The following GFRA1 variants were observed in gnomAD, a reference collection of about 807,000 sequenced individuals.
The protein encoded by GFRA1 is GDNF family receptor alpha 1.
In GFRA1, 16 loss-of-function variants were observed where a neutral mutation model predicts 51.6. The ratio of observed to expected loss-of-function variants is 0.31; its 90% CI spans 0.21 to 0.47. The LOEUF (loss-of-function observed/expected upper bound fraction) is 0.47. GFRA1 is among the 20% of genes least tolerant of loss of function. The pLI is 1.00. For missense variants in GFRA1, 530 were observed against 594.3 expected, an observed-to-expected ratio of 0.89 and a Z score of 1.13; for synonymous variants, 270 against 241.3, an observed-to-expected ratio of 1.12 and a Z score of -1.10.
At chr10:116,190,810 C>T (rs780576022) in intron 5 of GFRA1, among the ~76,000 whole-genome samples, 3 of 152,202 alleles carry the variant, frequency 2.0e-5, no homozygotes, top group Non-Finnish European at 2.9e-5. Flanking sequence ...CAATGTGCAC[C>T]GTTTATCTGG....
At chr10:116,273,644 ACACTCTCTCTCTCTCT>A (rs1448147841), upstream of GFRA1, among the ~76,000 whole-genome samples, 1 of 146,500 alleles carries the variant, frequency 6.8e-6, no homozygotes, top group Non-Finnish European at 1.5e-5. Context: ...CCAGACACAC[ACACTCTCTCTCTCTCT>A]CTCTCTCTCT....
At chr10:116,071,674 C>T (rs1282816105) in intron 9 of GFRA1, among the ~76,000 whole-genome samples, 1 of 152,186 alleles carries the variant, frequency 6.6e-6, no homozygotes, top group Non-Finnish European at 1.5e-5. Context: ...AGCTTAGTGC[C>T]AAGCCTAGAT....
chr10:116,168,312 A>C (rs1370366920), intron 5 of GFRA1, among the ~76,000 whole-genome samples: 1 of 152,140 alleles, frequency 6.6e-6, no homozygotes, highest in Non-Finnish European at 1.5e-5. Context: ...CTTCTGAAAG[A>C]GCTGCCCTCT....
chr10:116,164,005 A>G (rs747040110), intron 5 of GFRA1, among the ~76,000 whole-genome samples: 1 of 152,128 alleles, frequency 6.6e-6, no homozygotes, highest in Non-Finnish European at 1.5e-5. Context: ...CTTCCTTTGC[A>G]CTGACACCAT....
At position 116,222,633 on chromosome 10, in the gene GFRA1, A is replaced by G. The variant is rs577213887; in HGVS notation, c.419-10988T>C. 9.8e-5 allele frequency among the ~76,000 whole-genome samples: 15 copies of G among 152,328 alleles called. No individual in the cohort carries two copies. In the South Asian group the frequency reaches 3.1e-3, roughly 32 times the overall value. Reference sequence around the variant, plus strand: ...GAAGATTACAGGAAATCAAGCTAATAAAGACTTCACACAGCGCCTGACACA... The same window carrying G: ...GAAGATTACAGGAAATCAAGCTAATGAAGACTTCACACAGCGCCTGACACA... On this transcript the variant is annotated intron_variant, in intron 4 of 10. Coordinates refer to ENST00000355422, the MANE Select transcript of GFRA1 (RefSeq NM_005264.8).
chr10:116,064,619 C>A (rs565430404), intron 10 of GFRA1, 75 bp from the exon 11 acceptor site: 5 of 1,329,700 alleles, frequency 3.8e-6, no homozygotes, highest in South Asian at 3.5e-5. Flanking sequence ...CACTCTCTCT[C>A]CCCCCGACTC....
In GFRA1 at chr10:116,062,858, C is replaced by A. The variant is rs1194086050; in HGVS notation, c.*1540G>T. The A allele has an allele frequency of 6.6e-6, 1 of 152,182 alleles. No homozygotes were observed. The highest frequency in any genetic ancestry group is 6.5e-5 in the Admixed American group (1 of 15,276). 9.4% of individuals were successfully genotyped at this position (152,182 alleles called of 1,614,324 possible). On this transcript the variant is annotated 3_prime_UTR_variant, in exon 11 of 11. Transcript: ENST00000355422. The stretch of plus-strand genomic sequence containing the variant: ...GATAAGTGGTTAGCAAAGCCAGATG[C>A]CTTATCACCAGGGTCCTGTTCTGCT...
chr10:116,174,913 G>C (rs1359145839), intron 5 of GFRA1, among the ~76,000 whole-genome samples: 1 of 152,086 alleles, frequency 6.6e-6, no homozygotes, highest in Non-Finnish European at 1.5e-5. Flanking sequence ...TTTTCCAAAA[G>C]ATTTGCACCA....
At chr10:116,185,041 C>T (rs1962573152) in intron 5 of GFRA1, among the ~76,000 whole-genome samples, 1 of 152,120 alleles carries the variant, frequency 6.6e-6, no homozygotes, top group South Asian at 2.1e-4. Flanking sequence ...CTTTTAAAGC[C>T]TGCAGAGCTT....
chr10:116,190,727 G>A (rs904117105), intron 5 of GFRA1, among the ~76,000 whole-genome samples: 2 of 152,240 alleles, frequency 1.3e-5, no homozygotes, highest in African/African-American at 4.8e-5. Flanking sequence ...GAAGGAGAAA[G>A]AGAGACGAAA....
chr10:116,183,343 C>T (rs1369828490), intron 5 of GFRA1, among the ~76,000 whole-genome samples: 1 of 152,322 alleles, frequency 6.6e-6, no homozygotes, highest in East Asian at 1.9e-4. Context: ...ACAGCCTATC[C>T]TCACTGAGAC....
At chr10:116,088,649 G>C (rs1014850845) in intron 9 of GFRA1, among the ~76,000 whole-genome samples, 2 of 152,092 alleles carry the variant, frequency 1.3e-5, no homozygotes, top group African/African-American at 4.8e-5. Flanking sequence ...CACTGGGCGC[G>C]GTGGCACAAG....
chr10:116,148,076 ATGTG>A (rs58162393), intron 5 of GFRA1, among the ~76,000 whole-genome samples: 10 of 31,586 alleles, frequency 3.2e-4, no homozygotes, highest in Middle Eastern at 0.036. Flanking sequence ...GCGTGTGTGC[ATGTG>A]TGTGTGTGCA....
chr10:116,114,670 A>T (rs996116277), intron 6 of GFRA1, among the ~76,000 whole-genome samples: 1 of 152,142 alleles, frequency 6.6e-6, no homozygotes, highest in African/African-American at 2.4e-5. Context: ...AGCAGCTGAG[A>T]CTACAGGCAC....
chr10:116,198,195 C>T (rs568227749), intron 5 of GFRA1, among the ~76,000 whole-genome samples: 1 of 152,060 alleles, frequency 6.6e-6, no homozygotes, highest in East Asian at 1.9e-4. Flanking sequence ...CCAACGCCCC[C>T]ACACGATACA....
intron 5 of GFRA1, among the ~76,000 whole-genome samples, chr10:116,182,035 G>A (rs1418580045): frequency 6.7e-6 from 1 of 149,306 alleles, no homozygotes; most frequent in Non-Finnish European, 1.5e-5. Flanking sequence ...ATGGGCACAT[G>A]AGTATCTTGC....
chr10:116,188,898 TA>T (rs779339657), intron 5 of GFRA1, among the ~76,000 whole-genome samples: 2,894 of 130,320 alleles, frequency 0.022, 15 homozygotes, highest in Middle Eastern at 0.054. Context: ...AGACTCTGTT[TA>T]AAAAAAAAAA....
At chr10:116,271,961 A>G in intron 2 of GFRA1, 29 bp downstream of exon 2, 1 of 1,541,256 alleles carries the variant, frequency 6.5e-7, no homozygotes, top group Non-Finnish European at 8.8e-7. Context: ...CTCAGAGGGT[A>G]AGAAAGCCCG....
chr10:116,199,845 T>A (rs182120042), intron 5 of GFRA1, among the ~76,000 whole-genome samples: 1 of 152,322 alleles, frequency 6.6e-6, no homozygotes, highest in African/African-American at 2.4e-5. Context: ...ACTACCATCA[T>A]CCCAGAAGAT....
Sources: allele counts gnomAD v4.1 joint callset (sites outside exome capture counted in the v4.1 genomes callset), GRCh38; gene constraint gnomAD v4.1.1; transcripts MANE v1.5; gene names NCBI Gene and HGNC (gene_info 2026-07-23, HGNC 2026-07-21).